RB1: variants seen among roughly 807,000 people sequenced by gnomAD.
The protein encoded by RB1 is retinoblastoma-associated protein.
In RB1, 18 loss-of-function variants were observed where a neutral mutation model predicts 135.4. The observed-to-expected ratio is 0.13, with a 90% CI of 0.09 to 0.20. The LOEUF (loss-of-function observed/expected upper bound fraction) is 0.20, where lower values mean the gene tolerates loss of function less well. RB1 is among the 10% of genes least tolerant of loss of function. The pLI, the probability that RB1 is intolerant of heterozygous loss-of-function variation, is 1.00. For synonymous variants in RB1, 365 were observed against 373.2 expected (o/e 0.98, Z 0.25); for missense variants, 868 against 1,110.0 (o/e 0.78, Z 3.10).
Position 48,342,407 on chromosome 13 carries a change from ATGTT to A in RB1, c.265-187_265-184del, listed in dbSNP as rs552757861. Among the ~76,000 whole-genome samples the A allele has an allele frequency of 2.6e-3, 395 of 152,088 alleles. 1 individual carries two copies. The highest frequency in any genetic ancestry group is 9.1e-3 in the African/African-American group (376 of 41,546). On this transcript the variant is annotated intron_variant, in intron 2 of 26. Coordinates refer to ENST00000267163, the MANE Select transcript of RB1 (RefSeq NM_000321.3). Reference sequence around the variant, plus strand: ...TTTTGCCTTATAATATAAAATTTGAATGTTTGTTATTAGTGTGAAATGAAATCCT... The same window carrying A: ...TTTTGCCTTATAATATAAAATTTGAATGTTATTAGTGTGAAATGAAATCCT...
chr13:48,323,106 C>A (rs1952255446), intron 2 of RB1, among the ~76,000 whole-genome samples: 1 of 151,986 alleles, frequency 6.6e-6, no homozygotes, highest in Non-Finnish European at 1.5e-5. Flanking sequence ...ATTAATTCTT[C>A]TTTAAATATT....
intron 23 of RB1, among the ~76,000 whole-genome samples, chr13:48,466,548 G>T (rs1376108016): frequency 6.6e-6 from 1 of 152,282 alleles, no homozygotes; most frequent in Middle Eastern, 3.4e-3. Flanking sequence ...ACGGAACAAA[G>T]TTGGACGGAG....
intron 6 of RB1, among the ~76,000 whole-genome samples, chr13:48,351,952 G>A (rs1408004472): frequency 1.3e-5 from 2 of 152,106 alleles, no homozygotes; most frequent in Non-Finnish European, 2.9e-5. Flanking sequence ...GGGATTACAG[G>A]AATGAGCCAC....
chr13:48,359,455 A>T (rs945166860), intron 6 of RB1, among the ~76,000 whole-genome samples: 1 of 148,898 alleles, frequency 6.7e-6, no homozygotes, highest in Non-Finnish European at 1.5e-5. Context: ...TAATTATTTT[A>T]AATTTTTAGA....
intron 6 of RB1, among the ~76,000 whole-genome samples, chr13:48,350,512 G>C (rs1182139043): frequency 6.6e-6 from 1 of 152,094 alleles, no homozygotes; most frequent in African/African-American, 2.4e-5. Flanking sequence ...ATGGGATACA[G>C]TAAAAGCAGT....
At chr13:48,404,640 C>A (rs1463550020) in intron 17 of RB1, among the ~76,000 whole-genome samples, 1 of 151,990 alleles carries the variant, frequency 6.6e-6, no homozygotes, top group Non-Finnish European at 1.5e-5. Flanking sequence ...GATTCTCCTG[C>A]CTTAGCCTCC....
At chr13:48,342,138 T>C (rs888354952) in intron 2 of RB1, among the ~76,000 whole-genome samples, 5 of 151,870 alleles carry the variant, frequency 3.3e-5, no homozygotes, top group African/African-American at 9.7e-5. Flanking sequence ...AAACATGAAA[T>C]ACAAGGTTAA....
chr13:48,342,776 TCTC>T, intron 3 of RB1, 62 bp downstream of exon 3: 1 of 1,177,648 alleles, frequency 8.5e-7, no homozygotes, highest in Non-Finnish European at 1.3e-6. Context: ...TGGATTTTCC[TCTC>T]AATAGACTTT....
Position 48,311,080 on chromosome 13 carries a change from G to A in RB1, c.264+3674G>A, listed in dbSNP as rs145301218. ...GAAAATGCCTTGGACCTCAAGGCAG[G>A]AAACTTTGGTTGTAATTATATTGTA... On this transcript the variant is annotated intron_variant, in intron 2 of 26. Coordinates refer to ENST00000267163, the MANE Select transcript of RB1 (RefSeq NM_000321.3). Among the ~76,000 whole-genome samples, 836 of 152,290 alleles carry A rather than the reference G, an allele frequency of 5.5e-3. 5 individuals are homozygous for A. The highest frequency in any genetic ancestry group is 0.01 in the Middle Eastern group (3 of 294).
chr13:48,352,187 G>C (rs1952554303), intron 6 of RB1, among the ~76,000 whole-genome samples: 1 of 151,954 alleles, frequency 6.6e-6, no homozygotes, highest in African/African-American at 2.4e-5. Context: ...CTGTTCCATT[G>C]GTTTACATTA....
intron 6 of RB1, among the ~76,000 whole-genome samples, chr13:48,353,138 T>A (rs1418124774): frequency 6.6e-6 from 1 of 151,354 alleles, no homozygotes; most frequent in African/African-American, 2.4e-5. Context: ...AATGAAAAAA[T>A]TGCAAAAGAT....
At chr13:48,401,532 TG>T (rs1189843561) in intron 17 of RB1, 2 of 152,214 alleles carry the variant, frequency 1.3e-5, no homozygotes, top group Non-Finnish European at 2.9e-5. Flanking sequence ...AACAACTTTT[TG>T]GCATTTCATT....
chr13:48,305,879 T>C (rs927621901), intron 1 of RB1, among the ~76,000 whole-genome samples: 4 of 152,246 alleles, frequency 2.6e-5, no homozygotes, highest in African/African-American at 9.6e-5. Context: ...TTAGATCTTA[T>C]TTCTGTTGCC....
At position 48,480,218 on chromosome 13, in the gene RB1, T is replaced by C; in HGVS notation, c.*147T>C. 1.4e-6 allele frequency: 1 copy of C among 699,222 alleles called. No individual in the cohort carries two copies. The highest frequency in any genetic ancestry group is 2.7e-5 in the East Asian group (1 of 36,774). 43.3% of individuals were successfully genotyped at this position (699,222 alleles called of 1,614,324 possible). On this transcript the variant is annotated 3_prime_UTR_variant, in exon 27 of 27. Transcript: ENST00000267163. Reference sequence around the variant, plus strand: ...TGGATATAAAATGTGCAGATGCAATTGTTTGGGTGATTCCTAAGCCACTTG... The same window carrying C: ...TGGATATAAAATGTGCAGATGCAATCGTTTGGGTGATTCCTAAGCCACTTG...
rs1440370448 is a variant in RB1 at position 48,446,060 on chromosome 13, C to T, written c.1696-6933C>T. Among the ~76,000 whole-genome samples the T allele has an allele frequency of 1.1e-4, 17 of 152,234 alleles. No homozygotes were observed. In the East Asian group the frequency reaches 1.7e-3, roughly 16 times the overall value. ...GCAACCTCTGCCCTCTGGGTTCAAG[C>T]GATTCTCCTGCCTCAGCCTCCTGAG... On this transcript the variant is annotated intron_variant, in intron 17 of 26. Transcript: ENST00000267163.
rs1351161278 is a variant in RB1 at position 48,381,240 on chromosome 13, T to C, written c.1499-7T>C. 1.3e-6 allele frequency: 2 copies of C among 1,598,590 alleles called. No homozygotes were observed. Among genetic ancestry groups the C allele is most frequent in the Admixed American group, 3.4e-5 (2 of 58,476 alleles). On this transcript the variant is annotated splice_polypyrimidine_tract_variant and splice_region_variant and intron_variant, in intron 16 of 26. Transcript: ENST00000267163. ...CATAAATAGTTACTTTTTTTTTTCA[T>C]TTTTAGGAAGTACATCTCAGAATCT...
chr13:48,332,391 G>A (rs1952345634), intron 2 of RB1, among the ~76,000 whole-genome samples: 1 of 152,126 alleles, frequency 6.6e-6, no homozygotes, highest in Admixed American at 6.6e-5. Flanking sequence ...AACATGGGGA[G>A]ACCCCCATCT....
chr13:48,445,953 G>C (rs76362846), intron 17 of RB1, among the ~76,000 whole-genome samples: 1 of 151,958 alleles, frequency 6.6e-6, no homozygotes, highest in African/African-American at 2.4e-5. Flanking sequence ...AACTAAGAAG[G>C]TTCCCTTTAT....
intron 17 of RB1, among the ~76,000 whole-genome samples, chr13:48,407,335 G>A (rs1948749395): frequency 6.6e-6 from 1 of 152,124 alleles, no homozygotes. Flanking sequence ...AGAGGTTATT[G>A]TAGTAAATCT....
Sources: gnomAD v4.1 joint callset for allele counts (sites outside exome capture counted in the v4.1 genomes callset) on GRCh38, gnomAD v4.1.1 for gene constraint, MANE v1.5 for transcripts, NCBI Gene and HGNC (gene_info 2026-07-23, HGNC 2026-07-21) for gene names.